TNS1: variants seen among roughly 807,000 people sequenced by gnomAD.
The protein encoded by TNS1 is tensin 1.
TNS1 carries 62 observed loss-of-function variants against 168.6 expected under a neutral mutation model. The observed-to-expected ratio is 0.37, with a 90% confidence interval of 0.30 to 0.45. TNS1 has a LOEUF of 0.45. Ranked by LOEUF, TNS1 falls within the 20% of genes least tolerant of loss-of-function variation. The pLI is 1.00. For missense variants in TNS1, 2,240 were observed against 2,339.4 expected (o/e 0.96, Z 0.88); for synonymous variants, 934 against 933.2 (o/e 1.00, Z -0.02).
At chr2:217,907,062 T>G in intron 5 of TNS1, 148 bp downstream of exon 5, 2 of 448,356 alleles carry the variant, frequency 4.5e-6, no homozygotes, top group Non-Finnish European at 8.9e-6. Flanking sequence ...GCCGCCCCAC[T>G]ACTTCCCTGC....
intron 2 of TNS1, among the ~76,000 whole-genome samples, chr2:217,980,978 A>G (rs758722679): frequency 6.6e-5 from 10 of 152,074 alleles, no homozygotes; most frequent in Admixed American, 1.3e-4. Flanking sequence ...TAGCTTTCCA[A>G]TTATTCCTTT....
chr2:217,916,411 G>T (rs773399203), intron 4 of TNS1, among the ~76,000 whole-genome samples: 1 of 152,104 alleles, frequency 6.6e-6, no homozygotes, highest in African/African-American at 2.4e-5. Flanking sequence ...TCCACCCCCA[G>T]TGCAGCTCTC....
intron 3 of TNS1, among the ~76,000 whole-genome samples, chr2:217,946,484 T>C (rs1484946682): frequency 1.3e-5 from 2 of 152,236 alleles, no homozygotes; most frequent in Non-Finnish European, 2.9e-5. Flanking sequence ...CAGTTCATGA[T>C]TGAATCAAAG....
intron 18 of TNS1, among the ~76,000 whole-genome samples, chr2:217,865,475 G>A (rs1020594364): frequency 6.6e-6 from 1 of 152,236 alleles, no homozygotes; most frequent in Non-Finnish European, 1.5e-5. Context: ...GGAGAGAGCT[G>A]AGAAGCTTTG....
intron 19 of TNS1, among the ~76,000 whole-genome samples, chr2:217,836,591 A>T (rs893297578): frequency 2.0e-5 from 3 of 152,202 alleles, no homozygotes; most frequent in Non-Finnish European, 4.4e-5. Flanking sequence ...AGGCAACTGC[A>T]TCAACCAACC....
intron 3 of TNS1, among the ~76,000 whole-genome samples, chr2:217,939,197 C>T (rs1382337134): frequency 6.6e-6 from 1 of 152,200 alleles, no homozygotes; most frequent in East Asian, 1.9e-4. Flanking sequence ...GAAACTGAGG[C>T]TCACAGAGGT....
intron 9 of TNS1, 88 bp from the exon 10 acceptor site, chr2:217,893,649 C>A: frequency 6.7e-7 from 1 of 1,496,012 alleles, no homozygotes; most frequent in Non-Finnish European, 8.9e-7. Context: ...CGTGCCAGTA[C>A]CTGGGCAGTG....
At chr2:217,917,959 A>G (rs1461305732) in intron 4 of TNS1, among the ~76,000 whole-genome samples, 1 of 152,060 alleles carries the variant, frequency 6.6e-6, no homozygotes, top group African/African-American at 2.4e-5. Flanking sequence ...AAGAACCAGC[A>G]GGAAGGCCGG....
chr2:218,019,812 T>C (rs887156990), intron 1 of TNS1, among the ~76,000 whole-genome samples: 1 of 152,126 alleles, frequency 6.6e-6, no homozygotes, highest in East Asian at 1.9e-4. Flanking sequence ...GAGAAGTGCC[T>C]CCTGATACCT....
At chr2:217,874,740 C>T (rs1950069669) in intron 18 of TNS1, among the ~76,000 whole-genome samples, 1 of 152,350 alleles carries the variant, frequency 6.6e-6, no homozygotes, top group South Asian at 2.1e-4. Context: ...GCATGGCATG[C>T]GCCACTCTGC....
chr2:217,846,209 G>A (rs964652628), intron 19 of TNS1, among the ~76,000 whole-genome samples: 2 of 152,172 alleles, frequency 1.3e-5, no homozygotes, highest in Admixed American at 1.3e-4. Context: ...TCTATGGGAG[G>A]TGAGGCTGAT....
chr2:217,870,223 G>A lies in TNS1; in HGVS notation c.1429+10675C>T, dbSNP rs140039059. On this transcript the variant is annotated intron_variant, in intron 18 of 32. Transcript: ENST00000682258. ...GCACTTGCCCGAGCCCCTTACCCACGGGCTGCAGGGCAGAGTGGATACAGC... is the reference window on the plus strand; with the variant it reads ...GCACTTGCCCGAGCCCCTTACCCACAGGCTGCAGGGCAGAGTGGATACAGC... Among the ~76,000 whole-genome samples, 9 of 152,308 alleles carry A rather than the reference G, an allele frequency of 5.9e-5. No individual in the cohort carries two copies. The East Asian group carries it at 1.5e-3, about 26-fold the overall frequency.
chr2:217,942,790 C>G (rs954727658), intron 3 of TNS1, among the ~76,000 whole-genome samples: 5 of 152,096 alleles, frequency 3.3e-5, no homozygotes, highest in African/African-American at 9.7e-5. Context: ...GCCTGCCCTC[C>G]TCCTCCATCT....
At chr2:218,026,948 A>G (rs1958853579) in intron 1 of TNS1, among the ~76,000 whole-genome samples, 1 of 152,214 alleles carries the variant, frequency 6.6e-6, no homozygotes, top group African/African-American at 2.4e-5. Flanking sequence ...CTTGGCTCAG[A>G]TACTGGCCTG....
At chr2:217,988,377 G>T (rs1196053824) in intron 2 of TNS1, among the ~76,000 whole-genome samples, 2 of 152,216 alleles carry the variant, frequency 1.3e-5, no homozygotes, top group Non-Finnish European at 1.5e-5. Context: ...TAGAGCCATG[G>T]AATGTGAGGG....
chr2:217,956,287 G>A (rs1181397566), intron 3 of TNS1, among the ~76,000 whole-genome samples: 1 of 152,120 alleles, frequency 6.6e-6, no homozygotes, highest in Non-Finnish European at 1.5e-5. Context: ...ACAGGCATGA[G>A]CCACCGCACC....
At chr2:217,855,596 G>A (rs3791965) in intron 18 of TNS1, among the ~76,000 whole-genome samples, 44,924 of 151,714 alleles carry the variant, frequency 0.3, 6,823 homozygotes, top group Middle Eastern at 0.39. Flanking sequence ...CCCTAGGGCC[G>A]GTTCCCAGAC....
intron 4 of TNS1, among the ~76,000 whole-genome samples, chr2:217,915,989 G>A (rs976503359): frequency 2.0e-5 from 3 of 152,166 alleles, no homozygotes; most frequent in South Asian, 2.1e-4. Flanking sequence ...CCAGACCACC[G>A]TGTCAGAATC....
At chr2:218,009,159 C>A (rs1220213329) in intron 1 of TNS1, among the ~76,000 whole-genome samples, 1 of 152,210 alleles carries the variant, frequency 6.6e-6, no homozygotes, top group East Asian at 1.9e-4. Context: ...TGACAGGGGA[C>A]CGTCCCTGCC....
Sources: allele counts gnomAD v4.1 joint callset (sites outside exome capture counted in the v4.1 genomes callset), GRCh38; gene constraint gnomAD v4.1.1; transcripts MANE v1.5; gene names NCBI Gene and HGNC (gene_info 2026-07-23, HGNC 2026-07-21).